The following ETS1 variants were observed in gnomAD, a reference collection of about 807,000 sequenced individuals.
The protein encoded by ETS1 is protein C-ets-1.
In ETS1, 15 loss-of-function variants were observed where a neutral mutation model predicts 58.6. The observed-to-expected ratio is 0.26, with a 90% CI of 0.17 to 0.39. ETS1 has a LOEUF of 0.39. Ranked by LOEUF, ETS1 falls within the 10% of genes least tolerant of loss-of-function variation. The pLI, the probability that ETS1 is intolerant of heterozygous loss-of-function variation, is 1.00. For synonymous variants in ETS1, 214 were observed against 218.2 expected (o/e 0.98, Z 0.17); for missense variants, 417 against 610.5 (o/e 0.68, Z 3.34).
At chr11:128,484,457 G>A (rs1384852837) in intron 7 of ETS1, among the ~76,000 whole-genome samples, 2 of 152,190 alleles carry the variant, frequency 1.3e-5, no homozygotes, top group East Asian at 3.8e-4. Flanking sequence ...GTTTTCCAGG[G>A]TGGCCACTTG....
chr11:128,496,592 C>T (rs1170956974), intron 3 of ETS1, among the ~76,000 whole-genome samples: 1 of 152,124 alleles, frequency 6.6e-6, no homozygotes, highest in African/African-American at 2.4e-5. Context: ...AAGTTGATGA[C>T]CCCTGGAGGG....
At position 128,561,400 on chromosome 11, in the gene ETS1, G is replaced by C. The variant is rs1244956163; in HGVS notation, c.70-4965C>G. ...CACATTGGGAAAAATCAGTAATACT[G>C]ATCTTGACTTTATTTAAAATTTTGA... On this transcript the variant is annotated intron_variant, in intron 2 of 9. Coordinates refer to ENST00000392668, the MANE Select transcript of ETS1 (RefSeq NM_001143820.2). 2.6e-5 allele frequency among the ~76,000 whole-genome samples: 4 copies of C among 152,374 alleles called. No homozygotes were observed. The East Asian group carries it at 5.8e-4, about 22-fold the overall frequency.
At chr11:128,477,544 A>C (rs1862356158) in intron 8 of ETS1, among the ~76,000 whole-genome samples, 1 of 152,108 alleles carries the variant, frequency 6.6e-6, no homozygotes, top group Admixed American at 6.5e-5. Flanking sequence ...TGGCGGGGGC[A>C]CCATGAGGGT....
chr11:128,571,033 A>G (rs1194596799), intron 2 of ETS1, among the ~76,000 whole-genome samples: 2 of 152,186 alleles, frequency 1.3e-5, no homozygotes, highest in African/African-American at 2.4e-5. Flanking sequence ...AAAATGTGGT[A>G]AAAACAGCTA....
intron 3 of ETS1, among the ~76,000 whole-genome samples, chr11:128,509,276 C>T (rs1751224425): frequency 6.6e-6 from 1 of 152,160 alleles, no homozygotes; most frequent in Admixed American, 6.5e-5. Context: ...TTATGTCCAC[C>T]GTGGAGATGC....
intron 1 of ETS1, among the ~76,000 whole-genome samples, chr11:128,587,213 CG>C (rs1865049060): frequency 6.7e-6 from 1 of 150,178 alleles, no homozygotes; most frequent in Non-Finnish European, 1.5e-5. Context: ...AAGTAATCTA[CG>C]GGTATCTAAA....
chr11:128,521,860 C>T (rs550019951), intron 3 of ETS1: 13 of 1,496,498 alleles, frequency 8.7e-6, no homozygotes, highest in East Asian at 2.5e-5. Context: ...GTCCAGGGGA[C>T]CCCCGGCCTC....
chr11:128,492,886 G>C (rs1862840479), intron 3 of ETS1, among the ~76,000 whole-genome samples: 1 of 152,130 alleles, frequency 6.6e-6, no homozygotes, highest in Admixed American at 6.5e-5. Flanking sequence ...CCAGCACATG[G>C]CTAAACACAC....
chr11:128,471,365 T>C (rs1565367492), intron 8 of ETS1, among the ~76,000 whole-genome samples: 2 of 152,236 alleles, frequency 1.3e-5, no homozygotes, highest in South Asian at 4.1e-4. Flanking sequence ...GAAAGACCTT[T>C]GTTTTTGCTC....
intron 2 of ETS1, among the ~76,000 whole-genome samples, chr11:128,566,762 G>A (rs1377079491): frequency 3.4e-5 from 5 of 147,670 alleles, no homozygotes; most frequent in East Asian, 2.0e-4. Context: ...CAGCCTGGGC[G>A]ACAGAGCAAG....
At chr11:128,465,708 A>G (rs921150861) in intron 8 of ETS1, among the ~76,000 whole-genome samples, 1 of 152,188 alleles carries the variant, frequency 6.6e-6, no homozygotes, top group East Asian at 1.9e-4. Context: ...GGGTTGCCTT[A>G]GACCCTGACA....
chr11:128,581,326 T>C (rs1256064974), intron 1 of ETS1, among the ~76,000 whole-genome samples: 1 of 152,222 alleles, frequency 6.6e-6, no homozygotes, highest in Non-Finnish European at 1.5e-5. Context: ...TAGTCAATCA[T>C]ACTTCTGTCA....
At chr11:128,553,235 C>G (rs879673260) in intron 3 of ETS1, among the ~76,000 whole-genome samples, 1 of 152,028 alleles carries the variant, frequency 6.6e-6, no homozygotes, top group African/African-American at 2.4e-5. Context: ...AAGAGGCGGA[C>G]GGTAGGAGGA....
At position 128,585,168 on chromosome 11, in the gene ETS1, GAGA is replaced by G. The variant is rs1565421866; in HGVS notation, c.-15+2317_-15+2319del. Reference sequence around the variant, plus strand: ...AGAAAGAAAGAAAGAAAGAAAGAAAGAGAAAGAAAGAAAGAAAGAAGGAAGGAA... The same window carrying G: ...AGAAAGAAAGAAAGAAAGAAAGAAAGAAGAAAGAAAGAAAGAAGGAAGGAA... On this transcript the variant is annotated intron_variant, in intron 1 of 9. Transcript: ENST00000392668. Among the ~76,000 whole-genome samples, 6 of 8,382 alleles carry G rather than the reference GAGA, an allele frequency of 7.2e-4. 1 individual carries two copies. Among genetic ancestry groups the G allele is most frequent in the East Asian group, 6.8e-3 (1 of 146 alleles). The allele number at this position is 8,382 out of a possible 152,430, so 5.5% of individuals were successfully genotyped here. A position where few individuals can be genotyped will look rare whatever the true frequency, so the allele number is the denominator to read the frequency against.
chr11:128,512,474 A>C (rs967731560), intron 3 of ETS1, among the ~76,000 whole-genome samples: 5 of 152,224 alleles, frequency 3.3e-5, no homozygotes, highest in African/African-American at 9.7e-5. Flanking sequence ...CTCAAAATGC[A>C]GAAATAACAT....
chr11:128,483,004 A>G (rs569115511), intron 7 of ETS1, among the ~76,000 whole-genome samples: 1 of 152,236 alleles, frequency 6.6e-6, no homozygotes, highest in Non-Finnish European at 1.5e-5. Flanking sequence ...TATAAATAAC[A>G]ATCAGCTAAC....
At chr11:128,559,945 A>C (rs1591662682) in intron 2 of ETS1, among the ~76,000 whole-genome samples, 1 of 152,168 alleles carries the variant, frequency 6.6e-6, no homozygotes, top group East Asian at 1.9e-4. Flanking sequence ...CTGCAACTGG[A>C]GATGAGTCAA....
chr11:128,491,712 G>A (rs1480002467), intron 3 of ETS1, among the ~76,000 whole-genome samples: 2 of 152,234 alleles, frequency 1.3e-5, no homozygotes, highest in Non-Finnish European at 2.9e-5. Context: ...CCTGGTGAGA[G>A]AGGATGGTGG....
intron 3 of ETS1, among the ~76,000 whole-genome samples, chr11:128,501,738 G>C (rs1863094830): frequency 6.6e-6 from 1 of 152,182 alleles, no homozygotes; most frequent in Non-Finnish European, 1.5e-5. Flanking sequence ...TGCTCAACCA[G>C]TTACAAATCC....
Sources: gnomAD v4.1 joint callset for allele counts (sites outside exome capture counted in the v4.1 genomes callset) on GRCh38, gnomAD v4.1.1 for gene constraint, MANE v1.5 for transcripts, NCBI Gene and HGNC (gene_info 2026-07-23, HGNC 2026-07-21) for gene names.